The following PCDHA11 variants were observed in gnomAD, a reference collection of about 807,000 sequenced individuals.
PCDHA11 encodes protocadherin alpha 11.
Under a neutral mutation model 70.3 loss-of-function variants are expected in PCDHA11, and 61 were observed. That is an observed-to-expected ratio of 0.87 (90% CI 0.71 to 1.07). PCDHA11 has a LOEUF of 1.07. PCDHA11 is among the 50% of genes least tolerant of loss of function. PCDHA11 has a pLI of 0.00. For missense variants in PCDHA11, 1,324 were observed against 1,237.5 expected (o/e 1.07, Z -1.05); for synonymous variants, 633 against 555.1 (o/e 1.14, Z -1.97).
At chr5:140,875,991 T>C in intron 1 of PCDHA11, 2 of 1,613,966 alleles carry the variant, frequency 1.2e-6, no homozygotes, top group South Asian at 2.2e-5. Context: ...ATGCGTTAAG[T>C]CTAAATGAGA....
At chr5:140,941,210 TCTTC>T (rs1480454721) in intron 1 of PCDHA11, among the ~76,000 whole-genome samples, 2,917 of 100,514 alleles carry the variant, frequency 0.029, 68 homozygotes, top group South Asian at 0.045. Flanking sequence ...TTCCTTTCTT[TCTTC>T]CTTTCTTTCT....
At chr5:140,979,486 C>T (rs1222755275) in intron 2 of PCDHA11, among the ~76,000 whole-genome samples, 1 of 152,032 alleles carries the variant, frequency 6.6e-6, no homozygotes, top group African/African-American at 2.4e-5. Flanking sequence ...TGTGTTCACA[C>T]CTATTAGAGC....
At chr5:140,945,164 T>C (rs246060) in intron 1 of PCDHA11, among the ~76,000 whole-genome samples, 85,686 of 151,808 alleles carry the variant, frequency 0.56, 24,785 homozygotes, top group African/African-American at 0.69. Flanking sequence ...TATTGAACTA[T>C]CTGAAAAATA....
At chr5:141,006,363 C>A (rs2098270160) in intron 3 of PCDHA11, among the ~76,000 whole-genome samples, 1 of 152,080 alleles carries the variant, frequency 6.6e-6, no homozygotes, top group Non-Finnish European at 1.5e-5. Context: ...AGGCGCCCAC[C>A]ACCACGCCCG....
rs578208339 is a variant in PCDHA11 at position 141,001,194 on chromosome 5, C to G, written c.2540-8433C>G. Among the ~76,000 whole-genome samples the G allele has an allele frequency of 1.1e-4, 17 of 152,218 alleles. 1 individual carries two copies. In the South Asian group the frequency reaches 3.3e-3, roughly 30 times the overall value. On this transcript the variant is annotated intron_variant, in intron 3 of 3. Coordinates refer to ENST00000398640, the MANE Select transcript of PCDHA11 (RefSeq NM_018902.5). ...ACGAGTTTTTACTTTGCACCATGCA[C>G]TTATGCTATGTGCTGTATAAGGATA...
intron 1 of PCDHA11, among the ~76,000 whole-genome samples, chr5:140,978,222 G>C (rs997273847): frequency 6.6e-6 from 1 of 152,180 alleles, no homozygotes; most frequent in South Asian, 2.1e-4. Flanking sequence ...AATGTATCAG[G>C]TTTTTCTTGG....
chr5:140,959,055 C>A (rs2095463398), intron 1 of PCDHA11, among the ~76,000 whole-genome samples: 1 of 151,914 alleles, frequency 6.6e-6, no homozygotes, highest in African/African-American at 2.4e-5. Flanking sequence ...GGAAAAAATG[C>A]AGTATATATA....
chr5:140,892,757 A>G lies in PCDHA11; in HGVS notation c.2391+21263A>G, dbSNP rs140291258. 8.0e-3 allele frequency among the ~76,000 whole-genome samples: 1,217 copies of G among 152,310 alleles called. 7 individuals carry two copies. Among genetic ancestry groups the G allele is most frequent in the African/African-American group, 0.019 (784 of 41,562 alleles). ...CCATTTTTGCATGGTGAACATTTAA[A>G]ATCCACTCTTCTAGCTTCTTGAAAA... On this transcript the variant is annotated intron_variant, in intron 1 of 3. Transcript: ENST00000398640.
chr5:140,927,536 G>A (rs1227240979), intron 1 of PCDHA11: 3 of 1,614,138 alleles, frequency 1.9e-6, no homozygotes, highest in Non-Finnish European at 2.5e-6. Context: ...GCCCGCTCAG[G>A]AGACGCACAA....
At chr5:140,892,504 G>A (rs2063551551) in intron 1 of PCDHA11, among the ~76,000 whole-genome samples, 1 of 152,176 alleles carries the variant, frequency 6.6e-6, no homozygotes, top group Non-Finnish European at 1.5e-5. Context: ...TGTTTAAGAA[G>A]TTCCACCATG....
intron 1 of PCDHA11, among the ~76,000 whole-genome samples, chr5:140,897,061 T>C (rs1554187169): frequency 6.6e-6 from 1 of 152,134 alleles, no homozygotes; most frequent in Admixed American, 6.6e-5. Context: ...TCAAATACTA[T>C]GTCTTATTCA....
chr5:140,887,201 A>G (rs1331832646), intron 1 of PCDHA11, among the ~76,000 whole-genome samples: 1 of 150,710 alleles, frequency 6.6e-6, no homozygotes, highest in Non-Finnish European at 1.5e-5. Context: ...GGTTCACGCC[A>G]TTCTCCTGCC....
rs1319130298 is a variant in PCDHA11, at chr5:140,869,730, T to G, written c.627T>G (p.Asn209Lys). 24 of 1,613,274 alleles carry G rather than the reference T, an allele frequency of 1.5e-5. No individual in the cohort carries two copies. Among genetic ancestry groups the G allele is most frequent in the Non-Finnish European group, 2.0e-5 (24 of 1,179,870 alleles). The change falls in exon 1 of 4, where the codon AAT (asparagine) becomes AAG (lysine). Residue 209 changes from asparagine to lysine, a missense_variant. By Grantham distance (94) the Asn-to-Lys change is moderately conservative. Transcript: ENST00000398640. ...SLDREKTPEL[N>K]LLLTATDGGK... The stretch of plus-strand genomic sequence containing the variant: ...ATAGAGAGAAAACTCCGGAACTTAA[T>G]TTGCTGCTAACAGCTACAGACGGGG...
chr5:140,956,809 T>C (rs868918745), intron 1 of PCDHA11, among the ~76,000 whole-genome samples: 2 of 152,198 alleles, frequency 1.3e-5, no homozygotes, highest in Non-Finnish European at 1.5e-5. Flanking sequence ...TATTTATTAT[T>C]GCTTCAATTT....
intron 1 of PCDHA11, chr5:140,884,716 GTTGT>G (rs782735758): frequency 2.8e-5 from 41 of 1,468,898 alleles, no homozygotes; most frequent in Middle Eastern, 3.6e-4. Flanking sequence ...CTTCCTTGCA[GTTGT>G]TTGTTTAAGA....
At chr5:140,945,628 A>G (rs898111170) in intron 1 of PCDHA11, among the ~76,000 whole-genome samples, 1 of 152,168 alleles carries the variant, frequency 6.6e-6, no homozygotes, top group Non-Finnish European at 1.5e-5. Flanking sequence ...TACTGGCATA[A>G]AAGACATGTA....
intron 1 of PCDHA11, among the ~76,000 whole-genome samples, chr5:140,930,807 A>G (rs2087132034): frequency 6.6e-6 from 1 of 152,206 alleles, no homozygotes; most frequent in Non-Finnish European, 1.5e-5. Flanking sequence ...AGCATATAAG[A>G]TATGCTTAGT....
At chr5:140,912,472 G>A (rs993404931) in intron 1 of PCDHA11, among the ~76,000 whole-genome samples, 4 of 151,836 alleles carry the variant, frequency 2.6e-5, no homozygotes, top group African/African-American at 9.7e-5. Context: ...GAACTTTACT[G>A]AATTCATTTA....
intron 1 of PCDHA11, among the ~76,000 whole-genome samples, chr5:140,904,934 G>A (rs1181903303): frequency 6.6e-6 from 1 of 152,110 alleles, no homozygotes; most frequent in Non-Finnish European, 1.5e-5. Context: ...GTAGGTTCTG[G>A]ATATTAGTCC....
Sources: allele counts gnomAD v4.1 joint callset (sites outside exome capture counted in the v4.1 genomes callset), GRCh38; gene constraint gnomAD v4.1.1; transcripts MANE v1.5; gene names NCBI Gene and HGNC (gene_info 2026-07-23, HGNC 2026-07-21).